Variants in ZC3H12B observed in about 807,000 individuals in gnomAD.
ZC3H12B encodes probable ribonuclease ZC3H12B.
Under a neutral mutation model 43.9 loss-of-function variants are expected in ZC3H12B, and 7 were observed. That is an observed-to-expected ratio of 0.16 (90% CI 0.09 to 0.30). The LOEUF (loss-of-function observed/expected upper bound fraction) is 0.30, where lower values mean the gene tolerates loss of function less well. Ranked by LOEUF, ZC3H12B falls within the 10% of genes least tolerant of loss-of-function variation. ZC3H12B has a pLI of 1.00. For synonymous variants in ZC3H12B, 222 were observed against 241.7 expected (o/e 0.92, Z 0.76); for missense variants, 475 against 670.2 (o/e 0.71, Z 3.22).
At chrX:65,136,969 C>A in the ZC3H12B span, among the ~76,000 whole-genome samples, 3 of 111,509 alleles carry the variant, frequency 2.7e-5, no homozygotes, top group Non-Finnish European at 3.8e-5. Context: ...GTCTTTATAG[C>A]CTCACAGCTG....
intron 2 of ZC3H12B, among the ~76,000 whole-genome samples, chrX:65,382,729 T>A (rs1212393410): frequency 8.9e-6 from 1 of 111,803 alleles, no homozygotes; most frequent in Non-Finnish European, 1.9e-5. Flanking sequence ...AAAATCTCCT[T>A]AAGCTGATAA....
the ZC3H12B span, among the ~76,000 whole-genome samples, chrX:65,308,826 T>C: frequency 2.9e-4 from 33 of 111,875 alleles, no homozygotes; most frequent in Non-Finnish European, 5.6e-4. Context: ...AACTCAGAAT[T>C]AAGAAACTCA....
the ZC3H12B span, among the ~76,000 whole-genome samples, chrX:65,228,055 C>G: frequency 9.0e-6 from 1 of 111,675 alleles, no homozygotes; most frequent in African/African-American, 3.3e-5. Context: ...CATCTTGATA[C>G]TAAAGCCTGG....
exon 5 of ZC3H12B, chrX:65,501,999 G>A (rs1163312083): frequency 5.0e-6 from 6 of 1,207,852 alleles, no homozygotes; most frequent in Admixed American, 2.2e-5. Flanking sequence ...GCCCCCAAGC[G>A]CCAATCAGAT....
chrX:65,297,320 G>A, the ZC3H12B span, among the ~76,000 whole-genome samples: 1 of 111,101 alleles, frequency 9.0e-6, no homozygotes, highest in African/African-American at 3.3e-5. Context: ...CAAAATCAAT[G>A]TACCTGAATC....
chrX:65,130,688 CAGAAT>C, the ZC3H12B span, among the ~76,000 whole-genome samples: 1 of 111,044 alleles, frequency 9.0e-6, no homozygotes, highest in African/African-American at 3.3e-5. Context: ...GAAATGATGA[CAGAAT>C]AGAATGGGCC....
chrX:65,157,303 C>T, the ZC3H12B span, among the ~76,000 whole-genome samples: 1 of 112,249 alleles, frequency 8.9e-6, no homozygotes, highest in East Asian at 2.8e-4. Context: ...GCTTTAATGC[C>T]ATTGGTCTTT....
the ZC3H12B span, among the ~76,000 whole-genome samples, chrX:65,290,253 G>GA: frequency 1.1e-4 from 12 of 110,594 alleles, no homozygotes; most frequent in Admixed American, 1.9e-4. Context: ...CTAATCACCA[G>GA]AAAAATGAAT....
At chrX:65,228,447 G>A in the ZC3H12B span, among the ~76,000 whole-genome samples, 1 of 111,070 alleles carries the variant, frequency 9.0e-6, no homozygotes, top group African/African-American at 3.3e-5. Flanking sequence ...GACAAAAACT[G>A]GAAGCATTCC....
At chrX:65,131,104 C>T in the ZC3H12B span, among the ~76,000 whole-genome samples, 2 of 111,898 alleles carry the variant, frequency 1.8e-5, no homozygotes, top group Non-Finnish European at 3.8e-5. Flanking sequence ...AAATATTGAC[C>T]TGTAATCCTT....
chrX:65,250,530 T>A, the ZC3H12B span, among the ~76,000 whole-genome samples: 1 of 112,132 alleles, frequency 8.9e-6, no homozygotes, highest in African/African-American at 3.2e-5. Flanking sequence ...CCACAATGGC[T>A]GAACTAGTTT....
chrX:65,131,102 A>G, the ZC3H12B span, among the ~76,000 whole-genome samples: 1 of 112,145 alleles, frequency 8.9e-6, no homozygotes, highest in African/African-American at 3.2e-5. Context: ...ATAAATATTG[A>G]CCTGTAATCC....
At chrX:65,038,947 A>G in the ZC3H12B span, among the ~76,000 whole-genome samples, 1 of 111,696 alleles carries the variant, frequency 9.0e-6, no homozygotes, top group African/African-American at 3.2e-5. Flanking sequence ...GTATGATGGA[A>G]GTTTATGAGA....
At chrX:65,345,027 C>T in the ZC3H12B span, among the ~76,000 whole-genome samples, 1 of 111,800 alleles carries the variant, frequency 8.9e-6, no homozygotes, top group Non-Finnish European at 1.9e-5. Context: ...GTCAAAATGG[C>T]TATTAAAAAG....
chrX:65,293,202 C>T, the ZC3H12B span, among the ~76,000 whole-genome samples: 3 of 110,947 alleles, frequency 2.7e-5, no homozygotes, highest in Non-Finnish European at 5.7e-5. Flanking sequence ...CTCAGTACCA[C>T]CCTGGAGTCT....
chrX:65,170,733 C>T, the ZC3H12B span, among the ~76,000 whole-genome samples: 7 of 111,420 alleles, frequency 6.3e-5, no homozygotes, highest in Admixed American at 3.8e-4. Context: ...TTGTTCATTT[C>T]TTTTCACTCC....
chrX:65,040,843 G>GCCAT, the ZC3H12B span, among the ~76,000 whole-genome samples: 1 of 111,556 alleles, frequency 9.0e-6, no homozygotes. Context: ...GGAGTGCAGT[G>GCCAT]CCATGATCTC....
chrX:65,457,530 C>A (rs1356162700), intron 3 of ZC3H12B, among the ~76,000 whole-genome samples: 1 of 89,305 alleles, frequency 1.1e-5, no homozygotes, highest in Admixed American at 1.1e-4. Flanking sequence ...AAGTGGGGAG[C>A]CCCTCTGCCC....
the ZC3H12B span, among the ~76,000 whole-genome samples, chrX:65,074,772 G>C: frequency 8.1e-5 from 9 of 111,635 alleles, no homozygotes; most frequent in Non-Finnish European, 1.3e-4. Context: ...GAATTTTTCA[G>C]TTCACTTATT....
Sources: allele counts gnomAD v4.1 joint callset (sites outside exome capture counted in the v4.1 genomes callset), GRCh38; gene constraint gnomAD v4.1.1; transcripts MANE v1.5; gene names NCBI Gene and HGNC (gene_info 2026-07-23, HGNC 2026-07-21).